GCA: variants seen among roughly 807,000 people sequenced by gnomAD.
GCA encodes grancalcin.
GCA carries 30 observed loss-of-function variants against 32.6 expected under a neutral mutation model. The ratio of observed to expected loss-of-function variants is 0.92; its 90% CI spans 0.69 to 1.25. GCA has a LOEUF of 1.25. Among genes scored for constraint, GCA ranks in the 50% most tolerant of loss-of-function variants. GCA has a pLI of 0.00. For missense variants in GCA, 291 were observed against 266.8 expected (o/e 1.09, Z -0.63); for synonymous variants, 102 against 84.6 (o/e 1.21, Z -1.13).
exon 1 of GCA, chr2:162,319,203 C>T (rs1371663091): frequency 4.4e-6 from 2 of 456,924 alleles, no homozygotes; most frequent in Admixed American, 2.3e-5. Flanking sequence ...CAAACACTAA[C>T]TTGTTTCCCT....
intron 1 of GCA, among the ~76,000 whole-genome samples, chr2:162,346,235 A>C (rs1202302689): frequency 2.0e-5 from 3 of 152,242 alleles, no homozygotes; most frequent in Non-Finnish European, 4.4e-5. Flanking sequence ...CATTTTAAGC[A>C]CAGAAAACTT....
At chr2:162,373,318 T>G (rs1686034096), downstream of GCA, 3 of 449,088 alleles carry the variant, frequency 6.7e-6, no homozygotes, top group Non-Finnish European at 1.2e-5. Context: ...AAATGCAGAT[T>G]ACAGGGCCCA....
chr2:162,345,093 ATGGTGGTGGTGGTGGTGG>A (rs377413955), intron 1 of GCA, among the ~76,000 whole-genome samples: 24 of 109,394 alleles, frequency 2.2e-4, no homozygotes, highest in East Asian at 1.9e-3. Flanking sequence ...CTTGGAGTTC[ATGGTGGTGGTGGTGGTGG>A]TGGTGGTGGT....
chr2:162,322,757 A>G (rs1018108092), intron 1 of GCA, among the ~76,000 whole-genome samples: 3 of 151,322 alleles, frequency 2.0e-5, no homozygotes, highest in South Asian at 2.1e-4. Flanking sequence ...TTATGGCTGC[A>G]TAGTATTCCA....
At chr2:162,342,340 C>T (rs1684480665), upstream of GCA, among the ~76,000 whole-genome samples, 1 of 152,128 alleles carries the variant, frequency 6.6e-6, no homozygotes, top group South Asian at 2.1e-4. Flanking sequence ...AAGTAGAGTG[C>T]CACAGTTTCA....
At chr2:162,333,219 A>G (rs1684157237) in intron 1 of GCA, among the ~76,000 whole-genome samples, 1 of 152,080 alleles carries the variant, frequency 6.6e-6, no homozygotes, top group African/African-American at 2.4e-5. Context: ...AGGGACTTCA[A>G]TTATATTATG....
intron 1 of GCA, among the ~76,000 whole-genome samples, chr2:162,333,100 A>G (rs1325373665): frequency 1.3e-5 from 2 of 152,094 alleles, no homozygotes; most frequent in African/African-American, 4.8e-5. Context: ...AAGTTGCAAG[A>G]TTAATTCAGA....
upstream of GCA, among the ~76,000 whole-genome samples, chr2:162,343,673 A>T (rs1186106540): frequency 6.6e-6 from 1 of 152,200 alleles, no homozygotes; most frequent in Non-Finnish European, 1.5e-5. Context: ...CAAAGTTTTG[A>T]TGTGACATCA....
At chr2:162,367,408 G>A (rs1283980312), downstream of GCA, among the ~76,000 whole-genome samples, 1 of 151,850 alleles carries the variant, frequency 6.6e-6, no homozygotes. Flanking sequence ...ATCCATCTAA[G>A]GACTATATCA....
Position 162,362,365 on chromosome 2 carries a change from C to A in GCA, c.*2122C>A. The stretch of plus-strand genomic sequence containing the variant: ...AACTTATGTTAACAAAAACATTAGG[C>A]CTAGAGAATATTTTACCAGAATTTT... On this transcript the variant is annotated 3_prime_UTR_variant, in exon 8 of 8. Transcript: ENST00000437150. The A allele has an allele frequency of 1.0e-6, 1 of 980,302 alleles. No homozygotes were observed. Among genetic ancestry groups the A allele is most frequent in the Non-Finnish European group, 1.2e-6 (1 of 825,604 alleles). 60.7% of individuals were successfully genotyped at this position (980,302 alleles called of 1,614,324 possible). A position where few individuals can be genotyped will look rare whatever the true frequency, so the allele number is the denominator to read the frequency against.
At chr2:162,354,638 T>G (rs1230751261) in intron 3 of GCA, among the ~76,000 whole-genome samples, 1 of 152,160 alleles carries the variant, frequency 6.6e-6, no homozygotes, top group Admixed American at 6.5e-5. Context: ...TACTGCCAAT[T>G]CTTTGGCATT....
In GCA at chr2:162,347,471, G is replaced by T. The variant is rs555378242; in HGVS notation, c.28-107G>T. The T allele has an allele frequency of 6.5e-5, 40 of 612,032 alleles. No homozygotes were observed. In the African/African-American group the frequency reaches 7.1e-4, roughly 11 times the overall value. The allele number at this position is 612,032 out of a possible 1,614,324, so 37.9% of individuals were successfully genotyped here. A position where few individuals can be genotyped will look rare whatever the true frequency, so the allele number is the denominator to read the frequency against. On this transcript the variant is annotated intron_variant, in intron 1 of 7. Coordinates refer to ENST00000437150, the MANE Select transcript of GCA (RefSeq NM_012198.5). ...TTTGTGATAAGATTATAAGCTTTTGGTAACTGTTTACTTTTTGACGGACTT... is the reference window on the plus strand; with the variant it reads ...TTTGTGATAAGATTATAAGCTTTTGTTAACTGTTTACTTTTTGACGGACTT...
chr2:162,332,324 T>A (rs372881260), intron 1 of GCA, among the ~76,000 whole-genome samples: 2,539 of 131,938 alleles, frequency 0.019, 45 homozygotes, highest in African/African-American at 0.043. Flanking sequence ...AAAAAAAAAA[T>A]ATATATATAT....
At chr2:162,350,080 A>G (rs1684914248) in intron 2 of GCA, among the ~76,000 whole-genome samples, 2 of 152,204 alleles carry the variant, frequency 1.3e-5, no homozygotes, top group African/African-American at 4.8e-5. Context: ...GGGAACTATA[A>G]TAGTCACCAT....
At chr2:162,335,368 T>C (rs984870496) in intron 1 of GCA, among the ~76,000 whole-genome samples, 2 of 141,102 alleles carry the variant, frequency 1.4e-5, no homozygotes, top group Non-Finnish European at 3.0e-5. Context: ...TGAGCTGAGA[T>C]CACACCGCTG....
At chr2:162,369,070 C>T (rs1484071432) in intron 4 of GCA, among the ~76,000 whole-genome samples, 1 of 152,044 alleles carries the variant, frequency 6.6e-6, no homozygotes, top group Admixed American at 6.6e-5. Flanking sequence ...TATATTACTG[C>T]TTCTAATTAC....
At chr2:162,345,905 A>G (rs1211554686) in intron 1 of GCA, among the ~76,000 whole-genome samples, 2 of 152,198 alleles carry the variant, frequency 1.3e-5, no homozygotes, top group Admixed American at 6.5e-5. Flanking sequence ...TATTCTTTTA[A>G]CAAAATATAA....
At chr2:162,342,744 A>G (rs1684492477), upstream of GCA, among the ~76,000 whole-genome samples, 1 of 152,254 alleles carries the variant, frequency 6.6e-6, no homozygotes, top group Admixed American at 6.5e-5. Flanking sequence ...TCAGACTAAC[A>G]TTGTAAATGT....
At chr2:162,340,506 A>G (rs1684407653), upstream of GCA, among the ~76,000 whole-genome samples, 1 of 152,214 alleles carries the variant, frequency 6.6e-6, no homozygotes, top group African/African-American at 2.4e-5. Context: ...GATTGCTAAC[A>G]GATCTTGTTT....
Sources: allele counts gnomAD v4.1 joint callset (sites outside exome capture counted in the v4.1 genomes callset), GRCh38; gene constraint gnomAD v4.1.1; transcripts MANE v1.5; gene names NCBI Gene and HGNC (gene_info 2026-07-23, HGNC 2026-07-21).